Variants in SCP2 observed in about 807,000 individuals in gnomAD.
SCP2 encodes the protein SCP-2/3-oxoacyl-CoA thiolase.
Under a neutral mutation model 71.4 loss-of-function variants are expected in SCP2, and 48 were observed. That is an observed-to-expected ratio of 0.67 (90% CI 0.53 to 0.86). SCP2 has a LOEUF of 0.86. Ranked by LOEUF, SCP2 falls within the 40% of genes least tolerant of loss-of-function variation. The pLI, the probability that SCP2 is intolerant of heterozygous loss-of-function variation, is 0.00. For missense variants in SCP2, 560 were observed against 655.6 expected (o/e 0.85, Z 1.59); for synonymous variants, 220 against 218.1 (o/e 1.01, Z -0.08).
At chr1:52,988,609 A>G (rs1048036562) in intron 11 of SCP2, among the ~76,000 whole-genome samples, 4 of 152,150 alleles carry the variant, frequency 2.6e-5, no homozygotes, top group African/African-American at 7.2e-5. Context: ...ACAAACTTGT[A>G]CAATGTGGTT....
intron 11 of SCP2, among the ~76,000 whole-genome samples, chr1:53,003,362 G>T (rs1157807073): frequency 1.3e-5 from 2 of 152,150 alleles, no homozygotes; most frequent in Non-Finnish European, 2.9e-5. Context: ...GGGACTGCAG[G>T]CACGCACCTT....
At chr1:52,944,749 TG>T (rs1366230392) in intron 2 of SCP2, among the ~76,000 whole-genome samples, 5 of 151,978 alleles carry the variant, frequency 3.3e-5, no homozygotes, top group African/African-American at 1.2e-4. Flanking sequence ...TGGCCGGGCA[TG>T]GTGACTCACG....
chr1:52,943,248 A>G (rs957763004), intron 2 of SCP2, among the ~76,000 whole-genome samples: 4 of 144,912 alleles, frequency 2.8e-5, no homozygotes, highest in African/African-American at 1.0e-4. Context: ...TTTGAGACGG[A>G]GTCTTGCTCT....
At chr1:52,969,541 G>T (rs918263362) in intron 6 of SCP2, among the ~76,000 whole-genome samples, 4 of 149,976 alleles carry the variant, frequency 2.7e-5, no homozygotes, top group Non-Finnish European at 5.9e-5. Flanking sequence ...TTCTAAAAAG[G>T]CCAGGCACAG....
At chr1:52,929,708 C>T (rs535207490) in intron 1 of SCP2, among the ~76,000 whole-genome samples, 42 of 152,286 alleles carry the variant, frequency 2.8e-4, no homozygotes, top group Non-Finnish European at 3.8e-4. Context: ...CTGCAAGCTC[C>T]GCCTCCTGGA....
intron 6 of SCP2, among the ~76,000 whole-genome samples, chr1:52,973,294 G>A (rs1326311868): frequency 1.3e-5 from 2 of 151,630 alleles, no homozygotes; most frequent in Admixed American, 6.6e-5. Context: ...CAGTAAAGAC[G>A]TGTTTAGCTT....
intron 11 of SCP2, among the ~76,000 whole-genome samples, chr1:53,006,774 A>C (rs1160793354): frequency 6.6e-6 from 1 of 152,174 alleles, no homozygotes; most frequent in South Asian, 2.1e-4. Flanking sequence ...AAATTCACAC[A>C]TAACAATATT....
At chr1:53,007,495 A>G (rs1165316466) in intron 11 of SCP2, among the ~76,000 whole-genome samples, 1 of 152,256 alleles carries the variant, frequency 6.6e-6, no homozygotes. Flanking sequence ...GCTCAACTAC[A>G]TGGAAACTGA....
chr1:52,994,542 A>G (rs1659786681), intron 11 of SCP2: 1 of 214,106 alleles, frequency 4.7e-6, no homozygotes, highest in South Asian at 1.1e-4. Flanking sequence ...TCTAATTTTT[A>G]TACAATAAAA....
Position 53,028,084 on chromosome 1 carries a change from T to TA in SCP2, c.1338+17dup. 6.9e-7 allele frequency: 1 copy of TA among 1,440,146 alleles called. No homozygotes were observed. The highest frequency in any genetic ancestry group is 9.8e-7 in the Non-Finnish European group (1 of 1,022,342). The allele number at this position is 1,440,146 out of a possible 1,614,324, so 89.2% of individuals were successfully genotyped here. A position where few individuals can be genotyped will look rare whatever the true frequency, so the allele number is the denominator to read the frequency against. The stretch of plus-strand genomic sequence containing the variant: ...GAAACTTGAAGAGGTAAGATTTATG[T>TA]AAAATATTGCCAGGAAGGACCTTGA... On this transcript the variant is annotated intron_variant, in intron 13 of 15. Transcript: ENST00000371514.
intron 11 of SCP2, among the ~76,000 whole-genome samples, chr1:53,001,998 C>G (rs1660346172): frequency 6.6e-6 from 1 of 152,084 alleles, no homozygotes; most frequent in South Asian, 2.1e-4. Context: ...TCCTGGCTAA[C>G]ATGGTGAAAC....
At chr1:52,967,948 A>G (rs1657128439) in intron 6 of SCP2, among the ~76,000 whole-genome samples, 1 of 152,098 alleles carries the variant, frequency 6.6e-6, no homozygotes. Flanking sequence ...GCTTTCATCC[A>G]GTTTCCTGTT....
At chr1:53,001,763 T>G (rs536874726) in intron 11 of SCP2, among the ~76,000 whole-genome samples, 1 of 152,314 alleles carries the variant, frequency 6.6e-6, no homozygotes, top group South Asian at 2.1e-4. Flanking sequence ...CTTTTCCTGT[T>G]TCACTGATTC....
At chr1:52,932,893 A>AAGAGATAC (rs1312327411) in intron 1 of SCP2, among the ~76,000 whole-genome samples, 1 of 152,228 alleles carries the variant, frequency 6.6e-6, no homozygotes, top group Non-Finnish European at 1.5e-5. Context: ...TGGAGGAGAA[A>AAGAGATAC]AGAGATACAG....
chr1:52,946,254 G>T (rs1012514673), intron 2 of SCP2, among the ~76,000 whole-genome samples: 6 of 151,558 alleles, frequency 4.0e-5, no homozygotes, highest in Non-Finnish European at 8.8e-5. Flanking sequence ...TTTGAAACAG[G>T]GTCTGGCTCT....
chr1:53,006,488 G>T (rs2150217065), intron 11 of SCP2, among the ~76,000 whole-genome samples: 2 of 152,226 alleles, frequency 1.3e-5, no homozygotes, highest in Non-Finnish European at 2.9e-5. Context: ...CATTCTTAAA[G>T]AAAAGAATTT....
chr1:52,929,824 C>T (rs1384522851), intron 1 of SCP2, among the ~76,000 whole-genome samples: 12 of 152,066 alleles, frequency 7.9e-5, no homozygotes, highest in African/African-American at 2.9e-4. Flanking sequence ...GGGGTTTCAC[C>T]GTGTTAGCCA....
At position 52,987,007 on chromosome 1, in the gene SCP2, T is replaced by TATATATATATATA. The variant is rs1491431026; in HGVS notation, c.974-1022_974-1021insATATATATATATA. 4.8e-4 allele frequency among the ~76,000 whole-genome samples: 30 copies of TATATATATATATA among 62,692 alleles called. No homozygotes were observed. The East Asian group carries it at 9.2e-3, about 19-fold the overall frequency. 41.1% of individuals were successfully genotyped at this position (62,692 alleles called of 152,430 possible). A position where few individuals can be genotyped will look rare whatever the true frequency, so the allele number is the denominator to read the frequency against. The stretch of plus-strand genomic sequence containing the variant: ...TTCTGTATATATATATATATATATA[T>TATATATATATATA]TTTTTTTTTTTTTTTTTTGAGACAG... On this transcript the variant is annotated intron_variant, in intron 10 of 15. Coordinates refer to ENST00000371514, the MANE Select transcript of SCP2 (RefSeq NM_002979.5).
chr1:52,998,067 C>T (rs1298153518), intron 11 of SCP2, among the ~76,000 whole-genome samples: 1 of 152,102 alleles, frequency 6.6e-6, no homozygotes, highest in Admixed American at 6.5e-5. Context: ...ACAAGTTTTT[C>T]TTTTTATCAG....
Sources: gnomAD v4.1 joint callset for allele counts (sites outside exome capture counted in the v4.1 genomes callset) on GRCh38, gnomAD v4.1.1 for gene constraint, MANE v1.5 for transcripts, NCBI Gene and HGNC (gene_info 2026-07-23, HGNC 2026-07-21) for gene names.